RMND1: variants seen among roughly 807,000 people sequenced by gnomAD.
RMND1 encodes the protein required for meiotic nuclear division protein 1 homolog.
Under a neutral mutation model 54.0 loss-of-function variants are expected in RMND1, and 41 were observed. The observed-to-expected ratio is 0.76, with a 90% CI of 0.59 to 0.98. The LOEUF (loss-of-function observed/expected upper bound fraction) is 0.98, where lower values mean the gene tolerates loss of function less well. Ranked by LOEUF, RMND1 falls within the 50% of genes least tolerant of loss-of-function variation. The probability of loss-of-function intolerance (pLI) is 0.00; values close to 1 mark genes in which losing one functional copy is unlikely to be tolerated. For missense variants in RMND1, 457 were observed against 532.0 expected, an observed-to-expected ratio of 0.86 and a Z score of 1.39; for synonymous variants, 183 against 181.7, an observed-to-expected ratio of 1.01 and a Z score of -0.06.
In RMND1 at chr6:151,405,180, T is replaced by G. The variant is rs138731343; in HGVS notation, c.*55A>C. On this transcript the variant is annotated 3_prime_UTR_variant, in exon 12 of 12. Transcript: ENST00000444024. Reference sequence around the variant, plus strand: ...GCACCGCGCCGGGCCGAACATTTAATTTTTGATTGTAGAACTTGAATATCT... The same window carrying G: ...GCACCGCGCCGGGCCGAACATTTAAGTTTTGATTGTAGAACTTGAATATCT... 476 of 1,545,902 alleles carry G rather than the reference T, an allele frequency of 3.1e-4. 1 individual carries two copies. In the African/African-American group the frequency reaches 6.0e-3, roughly 20 times the overall value.
intron 2 of RMND1, among the ~76,000 whole-genome samples, chr6:151,438,778 A>G (rs929986958): frequency 1.3e-5 from 2 of 149,990 alleles, no homozygotes; most frequent in Non-Finnish European, 3.0e-5. Flanking sequence ...GCCCATCTGC[A>G]CTAAGAATGT....
At chr6:151,426,777 CTTTTT>C (rs986291934) in intron 6 of RMND1, among the ~76,000 whole-genome samples, 7 of 150,726 alleles carry the variant, frequency 4.6e-5, no homozygotes, top group Admixed American at 6.6e-5. Flanking sequence ...TCTTTTTCCT[CTTTTT>C]TTTTGAGACG....
intron 1 of RMND1, among the ~76,000 whole-genome samples, chr6:151,447,571 C>T (rs566637513): frequency 6.6e-6 from 1 of 152,156 alleles, no homozygotes; most frequent in African/African-American, 2.4e-5. Context: ...TTTACTACCT[C>T]TCTTCAGGAT....
intron 10 of RMND1, among the ~76,000 whole-genome samples, chr6:151,407,440 T>C (rs1409420448): frequency 6.6e-6 from 1 of 152,154 alleles, no homozygotes; most frequent in Non-Finnish European, 1.5e-5. Context: ...TCTTTCAACT[T>C]GGGCCAAAAA....
At chr6:151,412,744 AG>A (rs1779885712) in intron 10 of RMND1, among the ~76,000 whole-genome samples, 1 of 152,154 alleles carries the variant, frequency 6.6e-6, no homozygotes, top group African/African-American at 2.4e-5. Flanking sequence ...TGGAAGGTGA[AG>A]GGAGAGCAGG....
chr6:151,418,401 G>T (rs1780065214), intron 9 of RMND1: 1 of 148,364 alleles, frequency 6.7e-6, no homozygotes, highest in South Asian at 2.1e-4. Flanking sequence ...GCAACATAGT[G>T]AGACCCCATC....
At chr6:151,434,519 C>T (rs974733800) in intron 3 of RMND1, among the ~76,000 whole-genome samples, 15 of 151,968 alleles carry the variant, frequency 9.9e-5, no homozygotes, top group African/African-American at 3.4e-4. Context: ...GGCAGTGAAG[C>T]CTGCAATTCT....
chr6:151,449,989 A>C (rs995783154), intron 1 of RMND1, among the ~76,000 whole-genome samples: 2 of 152,200 alleles, frequency 1.3e-5, no homozygotes, highest in South Asian at 2.1e-4. Context: ...GGCGTGATCG[A>C]GGCTCGCTAC....
chr6:151,405,202 ATC>A lies in RMND1; in HGVS notation c.*31_*32del. On this transcript the variant is annotated 3_prime_UTR_variant, in exon 12 of 12. Transcript: ENST00000444024. ...TAATTTTTGATTGTAGAACTTGAATATCTCTTGCAGTGACACTTTGGTTATCA... is the reference window on the plus strand; with the variant it reads ...TAATTTTTGATTGTAGAACTTGAATATCTTGCAGTGACACTTTGGTTATCA... The A allele has an allele frequency of 6.3e-7, 1 of 1,594,196 alleles. No individual in the cohort carries two copies. The highest frequency in any genetic ancestry group is 8.6e-7 in the Non-Finnish European group (1 of 1,162,498).
At chr6:151,430,773 C>G (rs9322320) in intron 4 of RMND1, among the ~76,000 whole-genome samples, 82,771 of 151,978 alleles carry the variant, frequency 0.54, 25,141 homozygotes, top group African/African-American at 0.82. Flanking sequence ...TTTGATTTCT[C>G]AAGTTTGACG....
intron 10 of RMND1, among the ~76,000 whole-genome samples, chr6:151,409,667 C>T (rs9383889): frequency 0.3 from 45,054 of 151,922 alleles, 8,245 homozygotes; most frequent in East Asian, 0.53. Context: ...AAGGATGCGA[C>T]GAGATATGTA....
At position 151,430,143 on chromosome 6, in the gene RMND1, T is replaced by G. The variant is rs1397570908; in HGVS notation, c.724A>C (p.Lys242Gln). 1.9e-6 allele frequency: 3 copies of G among 1,599,150 alleles called. No individual in the cohort carries two copies. The highest frequency in any genetic ancestry group is 1.7e-5 in the Admixed American group (1 of 59,082). Reference sequence around the variant, plus strand: ...ACATTTTTATTTACACTTACAGTTTTGTCTTTCACATTCCAAAACACAGCA... The same window carrying G: ...ACATTTTTATTTACACTTACAGTTTGGTCTTTCACATTCCAAAACACAGCA... ...GAAVFWNVKDKTMKHVMKVLE... is the reference protein window; with the variant it reads ...GAAVFWNVKDQTMKHVMKVLE... Residue 242 changes from lysine to glutamine, a missense_variant, in exon 5 of 12, where the codon AAA (lysine) becomes CAA (glutamine). Physicochemically the swap from Lys to Gln is moderately conservative, Grantham distance 53 (BLOSUM62 1). Coordinates refer to ENST00000444024, the MANE Select transcript of RMND1 (RefSeq NM_017909.4).
chr6:151,430,556 T>C (rs1032164195), intron 4 of RMND1, among the ~76,000 whole-genome samples: 52 of 152,304 alleles, frequency 3.4e-4, no homozygotes, highest in African/African-American at 1.2e-3. Flanking sequence ...CTCTACTATG[T>C]GCAAGGAATA....
chr6:151,447,938 C>T (rs1008536881), intron 1 of RMND1, among the ~76,000 whole-genome samples: 4 of 151,688 alleles, frequency 2.6e-5, no homozygotes, highest in Admixed American at 6.6e-5. Flanking sequence ...CTCAGCCTCC[C>T]GAGTAGCTGG....
In RMND1 at chr6:151,450,887, A is replaced by G. The variant is rs1000298143; in HGVS notation, c.-15+1129T>C. Among the ~76,000 whole-genome samples, 21 of 152,300 alleles carry G rather than the reference A, an allele frequency of 1.4e-4. No individual in the cohort carries two copies. The South Asian group carries it at 2.9e-3, about 21-fold the overall frequency. Reference sequence around the variant, plus strand: ...AATTCTTCTGCCTTGGGATCCTGCTAATCGGTGACCTTACCCCCAACCCTG... The same window carrying G: ...AATTCTTCTGCCTTGGGATCCTGCTGATCGGTGACCTTACCCCCAACCCTG... On this transcript the variant is annotated intron_variant, in intron 1 of 11. Transcript: ENST00000444024.
At position 151,436,105 on chromosome 6, in the gene RMND1, C is replaced by CA. The variant is rs71014584; in HGVS notation, c.613+340dup. Reference sequence around the variant, plus strand: ...GGGCAACAAGAGTGAAACTCCATCCCAAAAAACAAAAAAAAAAAAAACACA... The same window carrying CA: ...GGGCAACAAGAGTGAAACTCCATCCCAAAAAAACAAAAAAAAAAAAAACACA... On this transcript the variant is annotated intron_variant, in intron 3 of 11. Coordinates refer to ENST00000444024, the MANE Select transcript of RMND1 (RefSeq NM_017909.4). 24,069 of 181,726 alleles carry CA rather than the reference C, an allele frequency of 0.13. 2,036 individuals are homozygous for CA. Among genetic ancestry groups the CA allele is most frequent in the East Asian group, 0.35 (2,231 of 6,424 alleles). 11.3% of individuals were successfully genotyped at this position (181,726 alleles called of 1,614,324 possible). A position where few individuals can be genotyped will look rare whatever the true frequency, so the allele number is the denominator to read the frequency against.
chr6:151,408,375 C>A (rs1187525171), intron 10 of RMND1, among the ~76,000 whole-genome samples: 1 of 151,862 alleles, frequency 6.6e-6, no homozygotes, highest in Non-Finnish European at 1.5e-5. Context: ...ACCTGTAATC[C>A]CAGCTATTTG....
intron 2 of RMND1, among the ~76,000 whole-genome samples, chr6:151,443,442 G>A (rs547407364): frequency 6.6e-6 from 1 of 152,128 alleles, no homozygotes; most frequent in African/African-American, 2.4e-5. Context: ...CTCCCGAGCC[G>A]CTGGGATTAC....
intron 1 of RMND1, among the ~76,000 whole-genome samples, chr6:151,449,801 G>A (rs1211435418): frequency 6.6e-6 from 1 of 152,198 alleles, no homozygotes; most frequent in Non-Finnish European, 1.5e-5. Flanking sequence ...GGCGCATGCC[G>A]CCACGCCTGA....
Sources: gnomAD v4.1 joint callset for allele counts (sites outside exome capture counted in the v4.1 genomes callset) on GRCh38, gnomAD v4.1.1 for gene constraint, MANE v1.5 for transcripts, NCBI Gene and HGNC (gene_info 2026-07-23, HGNC 2026-07-21) for gene names.